GFOD1: variants seen among roughly 807,000 people sequenced by gnomAD.
The protein encoded by GFOD1 is glucose-fructose oxidoreductase domain-containing protein 1.
Under a neutral mutation model 25.4 loss-of-function variants are expected in GFOD1, and 9 were observed. That is an observed-to-expected ratio of 0.35 (90% CI 0.21 to 0.62). The LOEUF (loss-of-function observed/expected upper bound fraction) is 0.62, where lower values mean the gene tolerates loss of function less well. Among genes scored for constraint, GFOD1 ranks in the 20% least tolerant of loss-of-function variants. GFOD1 has a pLI of 0.72. For synonymous variants in GFOD1, 253 were observed against 245.6 expected (o/e 1.03, Z -0.28); for missense variants, 403 against 556.9 (o/e 0.72, Z 2.78).
rs1784890757 is a variant in GFOD1 at position 13,357,864 on chromosome 6, C to A, written c.*6879G>T. 6.6e-6 allele frequency: 1 copy of A among 152,300 alleles called. No individual in the cohort carries two copies. The highest frequency in any genetic ancestry group is 1.5e-5 in the Non-Finnish European group (1 of 68,078). 9.4% of individuals were successfully genotyped at this position (152,300 alleles called of 1,614,324 possible). On this transcript the variant is annotated 3_prime_UTR_variant, in exon 2 of 2. Coordinates refer to ENST00000379287, the MANE Select transcript of GFOD1 (RefSeq NM_018988.4). The stretch of plus-strand genomic sequence containing the variant: ...CTTTTAAATCTTTATTTATCCTTTT[C>A]ATTCCTTTATCCCACCAATGCAAAT...
intron 1 of GFOD1, among the ~76,000 whole-genome samples, chr6:13,396,843 TAGA>T: frequency 6.6e-6 from 1 of 152,350 alleles, no homozygotes; most frequent in Non-Finnish European, 1.5e-5. Flanking sequence ...ACACTGAATT[TAGA>T]CTTTCTACCT....
At position 13,367,176 on chromosome 6, in the gene GFOD1, A is replaced by G. The variant is rs193257933; in HGVS notation, c.254-1514T>C. On this transcript the variant is annotated intron_variant, in intron 1 of 1. Coordinates refer to ENST00000379287, the MANE Select transcript of GFOD1 (RefSeq NM_018988.4). ...ATAGTGAAAGGAGAAGAGTGCCTGT[A>G]TTTGGACAGAATAAGAATACATAAA... 2.6e-5 allele frequency among the ~76,000 whole-genome samples: 4 copies of G among 152,282 alleles called. No individual in the cohort carries two copies. In the East Asian group the frequency reaches 7.7e-4, roughly 29 times the overall value.
At position 13,376,281 on chromosome 6, in the gene GFOD1, G is replaced by A. The variant is rs75228364; in HGVS notation, c.254-10619C>T. On this transcript the variant is annotated intron_variant, in intron 1 of 1. Coordinates refer to ENST00000379287, the MANE Select transcript of GFOD1 (RefSeq NM_018988.4). ...GTGGTGACAGTGGTCAGGGACTTGC[G>A]GACAGAGGAAAATGGCCAGGACTGT... Among the ~76,000 whole-genome samples, 853 of 152,256 alleles carry A rather than the reference G, an allele frequency of 5.6e-3. 10 individuals are homozygous for A. The highest frequency in any genetic ancestry group is 0.018 in the African/African-American group (744 of 41,538).
At chr6:13,435,213 C>A (rs1309585160) in intron 1 of GFOD1, among the ~76,000 whole-genome samples, 2 of 152,290 alleles carry the variant, frequency 1.3e-5, no homozygotes, top group African/African-American at 4.8e-5. Flanking sequence ...CAGCAGAGAA[C>A]CCTTGAAGAG....
At chr6:13,407,527 G>A (rs1785970974) in intron 1 of GFOD1, among the ~76,000 whole-genome samples, 1 of 152,132 alleles carries the variant, frequency 6.6e-6, no homozygotes. Context: ...CCAGACAGTT[G>A]GAATAAAGGA....
At chr6:13,390,048 G>C (rs1179238966) in intron 1 of GFOD1, among the ~76,000 whole-genome samples, 3 of 151,838 alleles carry the variant, frequency 2.0e-5, no homozygotes, top group Non-Finnish European at 4.4e-5. Flanking sequence ...CTTCTCCAAG[G>C]TCCAACTTAA....
chr6:13,376,160 T>G (rs577347822), intron 1 of GFOD1, among the ~76,000 whole-genome samples: 3 of 152,178 alleles, frequency 2.0e-5, no homozygotes, highest in Non-Finnish European at 4.4e-5. Flanking sequence ...CTCCCCTTCA[T>G]GTCAGTGGCA....
intron 1 of GFOD1, among the ~76,000 whole-genome samples, chr6:13,444,434 C>T (rs1215596102): frequency 6.7e-6 from 1 of 148,922 alleles, no homozygotes; most frequent in East Asian, 2.0e-4. Context: ...ATCTGGGTGA[C>T]AAAATAATCT....
chr6:13,391,410 ATCGCTTG>A lies in GFOD1; in HGVS notation c.254-25755_254-25749del, dbSNP rs1377490400. On this transcript the variant is annotated intron_variant, in intron 1 of 1. Coordinates refer to ENST00000379287, the MANE Select transcript of GFOD1 (RefSeq NM_018988.4). Reference sequence around the variant, plus strand: ...CTACTCGGGAGGCTGAGGCAGGAGAATCGCTTGAACCTGGGAGGTGAAGGTTGCAGTG... The same window carrying A: ...CTACTCGGGAGGCTGAGGCAGGAGAAAACCTGGGAGGTGAAGGTTGCAGTG... Among the ~76,000 whole-genome samples the A allele has an allele frequency of 3.8e-3, 583 of 151,750 alleles. 4 individuals carry two copies. The highest frequency in any genetic ancestry group is 0.013 in the African/African-American group (550 of 41,408).
intron 1 of GFOD1, chr6:13,469,258 C>T (rs1378606606): frequency 1.9e-5 from 19 of 985,418 alleles, no homozygotes; most frequent in Non-Finnish European, 2.3e-5. Context: ...AGGAATACAT[C>T]ACACTCGCCT....
intron 1 of GFOD1, among the ~76,000 whole-genome samples, chr6:13,418,986 G>A (rs1786206831): frequency 6.6e-6 from 1 of 152,168 alleles, no homozygotes; most frequent in Admixed American, 6.5e-5. Context: ...TTGTCCGGTC[G>A]GTGTTTCCTG....
At chr6:13,370,176 C>A (rs1251590820) in intron 1 of GFOD1, among the ~76,000 whole-genome samples, 2 of 152,234 alleles carry the variant, frequency 1.3e-5, no homozygotes, top group Non-Finnish European at 2.9e-5. Context: ...TCTGCTGACC[C>A]TGAATCTTGA....
chr6:13,411,940 G>A (rs536638305), intron 1 of GFOD1, among the ~76,000 whole-genome samples: 30 of 152,256 alleles, frequency 2.0e-4, no homozygotes, highest in East Asian at 9.6e-4. Context: ...TAGCTGTTGC[G>A]GTCAAATTAC....
intron 1 of GFOD1, among the ~76,000 whole-genome samples, chr6:13,382,288 T>G (rs899340567): frequency 2.0e-5 from 3 of 149,990 alleles, no homozygotes; most frequent in African/African-American, 4.9e-5. Context: ...CATCTTGAAC[T>G]GTAGCTCTCA....
intron 1 of GFOD1, among the ~76,000 whole-genome samples, chr6:13,403,576 T>C (rs973318328): frequency 1.3e-5 from 2 of 152,222 alleles, no homozygotes; most frequent in Admixed American, 6.5e-5. Context: ...TGTAAAAATG[T>C]ACAGTAAAAA....
intron 1 of GFOD1, among the ~76,000 whole-genome samples, chr6:13,448,078 G>A (rs1206476581): frequency 2.6e-5 from 4 of 152,124 alleles, no homozygotes; most frequent in African/African-American, 9.7e-5. Context: ...GATGGAGGGG[G>A]CACTCGTGGT....
Position 13,361,135 on chromosome 6 carries a change from A to G in GFOD1, c.*3608T>C. On this transcript the variant is annotated 3_prime_UTR_variant, in exon 2 of 2. Transcript: ENST00000379287. Reference sequence around the variant, plus strand: ...TTGGAGTTGGCCAAGACTACCCTAGAGTCCAGATATAACTGGCACAGTGGT... The same window carrying G: ...TTGGAGTTGGCCAAGACTACCCTAGGGTCCAGATATAACTGGCACAGTGGT... 6.0e-6 allele frequency: 2 copies of G among 334,354 alleles called. No individual in the cohort carries two copies. The highest frequency in any genetic ancestry group is 1.2e-5 in the Non-Finnish European group (2 of 169,198). The allele number at this position is 334,354 out of a possible 1,614,324, so 20.7% of individuals were successfully genotyped here.
At chr6:13,398,052 C>A (rs1785770010) in intron 1 of GFOD1, among the ~76,000 whole-genome samples, 1 of 152,166 alleles carries the variant, frequency 6.6e-6, no homozygotes, top group African/African-American at 2.4e-5. Flanking sequence ...GGAGCCTCTG[C>A]CGCTGGGTTT....
chr6:13,406,962 C>A (rs1461339551), intron 1 of GFOD1, among the ~76,000 whole-genome samples: 4 of 152,242 alleles, frequency 2.6e-5, no homozygotes, highest in African/African-American at 9.6e-5. Context: ...GAATAAAAAA[C>A]TCCATTTCCC....
Sources: allele counts gnomAD v4.1 joint callset (sites outside exome capture counted in the v4.1 genomes callset), GRCh38; gene constraint gnomAD v4.1.1; transcripts MANE v1.5; gene names NCBI Gene and HGNC (gene_info 2026-07-23, HGNC 2026-07-21).